GARRE1: variants seen among roughly 807,000 people sequenced by gnomAD.
GARRE1 encodes granule associated Rac and RHOG effector protein 1.
GARRE1 carries 49 observed loss-of-function variants against 103.2 expected under a neutral mutation model. The ratio of observed to expected loss-of-function variants is 0.47; its 90% confidence interval spans 0.38 to 0.60. The LOEUF is 0.60. Ranked by LOEUF, GARRE1 falls within the 20% of genes least tolerant of loss-of-function variation. The pLI is 0.00. For synonymous variants in GARRE1, 505 were observed against 532.8 expected (o/e 0.95, Z 0.72); for missense variants, 1,199 against 1,370.5 (o/e 0.87, Z 1.98).
At chr19:34,288,728 G>A (rs2073900782) in intron 1 of GARRE1, among the ~76,000 whole-genome samples, 1 of 152,164 alleles carries the variant, frequency 6.6e-6, no homozygotes. Flanking sequence ...GTGGGTATGA[G>A]TTTTGACTTT....
Position 34,268,500 on chromosome 19 carries a change from G to A in GARRE1, c.-796+13886G>A, listed in dbSNP as rs1223582743. Among the ~76,000 whole-genome samples the A allele has an allele frequency of 5.3e-5, 8 of 152,210 alleles. No homozygotes were observed. In the East Asian group the frequency reaches 1.5e-3, roughly 29 times the overall value. ...TTTTGTTTTGTTTTGATGGCAGCAG[G>A]TTTTGAGAGTGAGCTTTTGACTTCA... On this transcript the variant is annotated intron_variant, in intron 1 of 13. Coordinates refer to ENST00000299505, the MANE Select transcript of GARRE1 (RefSeq NM_014686.5).
At chr19:34,311,410 G>A (rs993529227) in intron 2 of GARRE1, among the ~76,000 whole-genome samples, 6 of 151,932 alleles carry the variant, frequency 3.9e-5, no homozygotes, top group African/African-American at 1.2e-4. Flanking sequence ...ATTTTCTACC[G>A]TCTCCAGTGC....
At chr19:34,259,045 A>G (rs906474954) in intron 1 of GARRE1, among the ~76,000 whole-genome samples, 4 of 151,990 alleles carry the variant, frequency 2.6e-5, no homozygotes, top group Admixed American at 6.5e-5. Flanking sequence ...GTCCATGCCT[A>G]TAATTCCAGC....
chr19:34,287,554 A>G (rs1487806563), intron 1 of GARRE1, among the ~76,000 whole-genome samples: 1 of 152,216 alleles, frequency 6.6e-6, no homozygotes, highest in Admixed American at 6.5e-5. Context: ...ACAACCCCAC[A>G]TAGACTTTTA....
intron 11 of GARRE1, 100 bp from the exon 12 acceptor site, chr19:34,348,916 T>C: frequency 7.2e-7 from 1 of 1,380,128 alleles, no homozygotes; most frequent in Non-Finnish European, 1.0e-6. Flanking sequence ...CACTATTTGG[T>C]TATGGGATGA....
Position 34,341,850 on chromosome 19 carries a change from A to T in GARRE1, c.1916A>T (p.Asn639Ile). The T allele has an allele frequency of 6.2e-7, 1 of 1,614,216 alleles. No individual in the cohort carries two copies. The highest frequency in any genetic ancestry group is 8.5e-7 in the Non-Finnish European group (1 of 1,180,032). ...GDDGKDEKGMNLPTDQEMQEV... is the reference protein window; with the variant it reads ...GDDGKDEKGMILPTDQEMQEV... ...GACGGCAAGGATGAGAAGGGTATGA[A>T]CTTACCAACTGATCAGGAAATGCAA... The change falls in exon 10 of 14, where the codon AAC becomes ATC. Residue 639 changes from asparagine to isoleucine, a missense_variant. Physicochemically the swap from Asn to Ile is moderately radical, Grantham distance 149. Transcript: ENST00000299505.
At chr19:34,349,211 G>T in intron 12 of GARRE1, 58 bp downstream of exon 12, 1 of 1,572,772 alleles carries the variant, frequency 6.4e-7, no homozygotes, top group South Asian at 1.1e-5. Flanking sequence ...TGCAACCCAT[G>T]GCTCACTCCC....
chr19:34,321,610 T>C (rs1037888609), intron 3 of GARRE1, among the ~76,000 whole-genome samples: 3 of 151,254 alleles, frequency 2.0e-5, no homozygotes, highest in African/African-American at 7.3e-5. Context: ...CCCGCCACCA[T>C]GCCCGGCTAA....
chr19:34,352,181 C>T (rs771889330), intron 13 of GARRE1, among the ~76,000 whole-genome samples: 13 of 152,066 alleles, frequency 8.5e-5, no homozygotes, highest in East Asian at 1.9e-4. Context: ...GGGTGGATCA[C>T]GAACGAGGTC....
chr19:34,297,555 A>G (rs1391845195), intron 1 of GARRE1, among the ~76,000 whole-genome samples: 1 of 152,144 alleles, frequency 6.6e-6, no homozygotes, highest in African/African-American at 2.4e-5. Flanking sequence ...CACTGAACAA[A>G]GATAGAGTGT....
At chr19:34,331,361 C>T (rs2074137176) in intron 7 of GARRE1, among the ~76,000 whole-genome samples, 2 of 152,090 alleles carry the variant, frequency 1.3e-5, no homozygotes, top group African/African-American at 4.8e-5. Context: ...TGAAAATACT[C>T]TTCTCTCTGA....
In GARRE1 at chr19:34,352,887, G is replaced by GCAC. The variant is rs775568690; in HGVS notation, c.3147_3149dup (p.Pro1050dup). On this transcript the variant is annotated inframe_insertion, in exon 14 of 14. Transcript: ENST00000299505. ...CCCACCCCCACCAGCACACAAGGCA[G>GCAC]CACCCAAGGGCTTCAAGGCCTTCCC... 11 of 1,493,334 alleles carry GCAC rather than the reference G, an allele frequency of 7.4e-6. No homozygotes were observed. In the South Asian group the frequency reaches 1.3e-4, roughly 17 times the overall value. 92.5% of individuals were successfully genotyped at this position (1,493,334 alleles called of 1,614,324 possible).
intron 1 of GARRE1, among the ~76,000 whole-genome samples, chr19:34,278,516 C>T (rs965298724): frequency 6.6e-6 from 1 of 150,976 alleles, no homozygotes; most frequent in East Asian, 1.9e-4. Flanking sequence ...CTCTCAGCTC[C>T]TGGGCACAAC....
rs138677662 is a variant in GARRE1, at chr19:34,303,837, A to G, written c.495+2869A>G. Among the ~76,000 whole-genome samples, 664 of 152,270 alleles carry G rather than the reference A, an allele frequency of 4.4e-3. 1 individual carries two copies. Among genetic ancestry groups the G allele is most frequent in the African/African-American group, 0.015 (632 of 41,550 alleles). The stretch of plus-strand genomic sequence containing the variant: ...CACCGTGTGGGTCAGGCTGGTCTCA[A>G]ACTCCTGACCTCAAGTGAGCCACCC... On this transcript the variant is annotated intron_variant, in intron 2 of 13. Coordinates refer to ENST00000299505, the MANE Select transcript of GARRE1 (RefSeq NM_014686.5).
chr19:34,353,439 T>C lies in GARRE1; in HGVS notation c.*484T>C, dbSNP rs544587528. The C allele has an allele frequency of 6.2e-6, 1 of 161,004 alleles. No homozygotes were observed. Among genetic ancestry groups the C allele is most frequent in the South Asian group, 2.0e-4 (1 of 4,932 alleles). The allele number at this position is 161,004 out of a possible 1,614,324, so 10.0% of individuals were successfully genotyped here. A position where few individuals can be genotyped will look rare whatever the true frequency, so the allele number is the denominator to read the frequency against. On this transcript the variant is annotated 3_prime_UTR_variant, in exon 14 of 14. Transcript: ENST00000299505. Reference sequence around the variant, plus strand: ...TTTATAGCTTTTTTTTTCATGTAGGTTTTTAGTTAAAACATCTCCTGCCTA... The same window carrying C: ...TTTATAGCTTTTTTTTTCATGTAGGCTTTTAGTTAAAACATCTCCTGCCTA...
intron 1 of GARRE1, among the ~76,000 whole-genome samples, chr19:34,290,902 TTTTTTTTTTTTTTTTTTTTTTTG>T (rs1399823560): frequency 6.1e-4 from 20 of 32,610 alleles, no homozygotes; most frequent in Admixed American, 1.6e-3. Context: ...TTTTTTTTTT[TTTTTTTTTTTTTTTTTTTTTTTG>T]AGACAGAGTC....
intron 2 of GARRE1, among the ~76,000 whole-genome samples, chr19:34,309,072 C>T (rs1383144223): frequency 8.0e-6 from 1 of 125,446 alleles, no homozygotes; most frequent in African/African-American, 2.5e-5. Flanking sequence ...CTACTTCTCC[C>T]TCTTTAAAAA....
At position 34,354,051 on chromosome 19, in the gene GARRE1, A is replaced by G. The variant is rs2145292624; in HGVS notation, c.*1096A>G. 1 of 152,764 alleles carries G rather than the reference A, an allele frequency of 6.5e-6. No homozygotes were observed. The highest frequency in any genetic ancestry group is 2.4e-5 in the African/African-American group (1 of 41,578). 9.5% of individuals were successfully genotyped at this position (152,764 alleles called of 1,614,324 possible). ...TGAATGGTGCTTAAATTGAGAAATA[A>G]TAATAAATATATCTATATAGAATAG... is the stretch of plus-strand genomic sequence containing the variant. On this transcript the variant is annotated 3_prime_UTR_variant, in exon 14 of 14. Transcript: ENST00000299505.
intron 12 of GARRE1, among the ~76,000 whole-genome samples, chr19:34,350,791 C>G (rs1475997934): frequency 6.6e-6 from 1 of 152,102 alleles, no homozygotes; most frequent in African/African-American, 2.4e-5. Context: ...CCATGTTAGC[C>G]AGGATGGTCT....
Sources: allele counts gnomAD v4.1 joint callset (sites outside exome capture counted in the v4.1 genomes callset), GRCh38; gene constraint gnomAD v4.1.1; transcripts MANE v1.5; gene names NCBI Gene and HGNC (gene_info 2026-07-23, HGNC 2026-07-21).